Variants in ITK observed in about 807,000 individuals in gnomAD.
ITK encodes IL2 inducible T cell kinase, also known as tyrosine-protein kinase ITK/TSK.
Under a neutral mutation model 87.6 loss-of-function variants are expected in ITK, and 45 were observed. The ratio of observed to expected loss-of-function variants is 0.51; its 90% CI spans 0.40 to 0.66. The LOEUF is 0.66. ITK is among the 30% of genes least tolerant of loss of function. The pLI, the probability that ITK is intolerant of heterozygous loss-of-function variation, is 0.00. For synonymous variants in ITK, 303 were observed against 273.6 expected (o/e 1.11, Z -1.06); for missense variants, 605 against 766.3 (o/e 0.79, Z 2.48).
At chr5:157,196,321 T>A (rs951797348) in intron 1 of ITK, among the ~76,000 whole-genome samples, 4 of 152,188 alleles carry the variant, frequency 2.6e-5, no homozygotes, top group African/African-American at 9.6e-5. Flanking sequence ...TCTCAAAACC[T>A]CACAAACACC....
In ITK at chr5:157,254,435, A is replaced by G. The variant is rs1463546113; in HGVS notation, c.*1757A>G. The G allele has an allele frequency of 4.5e-6, 1 of 221,918 alleles. No individual in the cohort carries two copies. Among genetic ancestry groups the G allele is most frequent in the African/African-American group, 2.2e-5 (1 of 44,710 alleles). 13.7% of individuals were successfully genotyped at this position (221,918 alleles called of 1,614,324 possible). A position where few individuals can be genotyped will look rare whatever the true frequency, so the allele number is the denominator to read the frequency against. On this transcript the variant is annotated 3_prime_UTR_variant, in exon 17 of 17. Transcript: ENST00000422843. ...TGTAGAAGTATGAGTTCTTCCTTTA[A>G]TTATCATTCCAACTTTCAGCTGTAG...
At chr5:157,219,941 CTGTTTTGAG>C (rs1754380572) in intron 5 of ITK, among the ~76,000 whole-genome samples, 2 of 152,226 alleles carry the variant, frequency 1.3e-5, no homozygotes, top group African/African-American at 4.8e-5. Context: ...ATCGTGGATA[CTGTTTTGAG>C]TGTTCTGACC....
chr5:157,196,486 G>A (rs1753857378), intron 1 of ITK, among the ~76,000 whole-genome samples: 2 of 152,056 alleles, frequency 1.3e-5, no homozygotes, highest in East Asian at 3.8e-4. Flanking sequence ...AAGTTTATTA[G>A]TATTTTATTT....
Position 157,217,849 on chromosome 5 carries a change from C to T in ITK, c.455-18C>T. ...GTTTTCATGCTCATTTTTTCTTTTCCTGTTTTTCTCTTTTCAGCTTCAAAG... is the reference window on the plus strand; with the variant it reads ...GTTTTCATGCTCATTTTTTCTTTTCTTGTTTTTCTCTTTTCAGCTTCAAAG... On this transcript the variant is annotated intron_variant, in intron 4 of 16. Coordinates refer to ENST00000422843, the MANE Select transcript of ITK (RefSeq NM_005546.4). 1 of 1,612,890 alleles carries T rather than the reference C, an allele frequency of 6.2e-7. No individual in the cohort carries two copies. Among genetic ancestry groups the T allele is most frequent in the Non-Finnish European group, 8.5e-7 (1 of 1,179,050 alleles).
At position 157,226,375 on chromosome 5, in the gene ITK, G is replaced by A. The variant is rs140918838; in HGVS notation, c.648-1921G>A. Reference sequence around the variant, plus strand: ...TTTGGGTGGCATATGCTATTCAAAAGCAAAATATTATTTGATGCATTAATA... The same window carrying A: ...TTTGGGTGGCATATGCTATTCAAAAACAAAATATTATTTGATGCATTAATA... On this transcript the variant is annotated intron_variant, in intron 6 of 16. Coordinates refer to ENST00000422843, the MANE Select transcript of ITK (RefSeq NM_005546.4). Among the ~76,000 whole-genome samples, 97 of 152,274 alleles carry A rather than the reference G, an allele frequency of 6.4e-4. 2 individuals carry two copies. The East Asian group carries it at 0.015, about 24-fold the overall frequency.
chr5:157,212,992 T>C (rs1351219911), intron 3 of ITK, among the ~76,000 whole-genome samples: 2 of 152,196 alleles, frequency 1.3e-5, no homozygotes, highest in Non-Finnish European at 2.9e-5. Context: ...TGTGGTTGGT[T>C]CATTTATTTA....
chr5:157,181,902 T>C (rs12518271), intron 1 of ITK, among the ~76,000 whole-genome samples: 6,665 of 152,312 alleles, frequency 0.044, 191 homozygotes, highest in African/African-American at 0.074. Flanking sequence ...ATAATGTAGT[T>C]TGGTAGAAAA....
intron 4 of ITK, among the ~76,000 whole-genome samples, chr5:157,215,242 T>C (rs978571709): frequency 3.9e-5 from 6 of 152,224 alleles, no homozygotes; most frequent in African/African-American, 1.4e-4. Context: ...CCTTCCATTT[T>C]CCTCTCTTCT....
intron 1 of ITK, among the ~76,000 whole-genome samples, chr5:157,200,478 C>T (rs1420023286): frequency 6.6e-6 from 1 of 152,184 alleles, no homozygotes; most frequent in Non-Finnish European, 1.5e-5. Flanking sequence ...TATAGGCAAT[C>T]ACCCTTTCCC....
At chr5:157,197,472 A>G (rs1753875425) in intron 1 of ITK, among the ~76,000 whole-genome samples, 1 of 152,208 alleles carries the variant, frequency 6.6e-6, no homozygotes, top group South Asian at 2.1e-4. Context: ...CTCTGTAAAA[A>G]CTTCAAATAT....
chr5:157,234,072 C>G (rs1754727420), intron 8 of ITK, among the ~76,000 whole-genome samples: 1 of 141,418 alleles, frequency 7.1e-6, no homozygotes, highest in African/African-American at 2.7e-5. Context: ...CCTCCGCTGC[C>G]TGGGTTCGAG....
chr5:157,232,700 G>A (rs1318641497), intron 8 of ITK, among the ~76,000 whole-genome samples: 3 of 152,248 alleles, frequency 2.0e-5, no homozygotes, highest in South Asian at 2.1e-4. Flanking sequence ...GGGTTGACAT[G>A]TTGGATTAAC....
chr5:157,238,888 A>G (rs1263055789), intron 9 of ITK, among the ~76,000 whole-genome samples: 2 of 152,222 alleles, frequency 1.3e-5, no homozygotes, highest in Non-Finnish European at 2.9e-5. Flanking sequence ...CTGTTTGACA[A>G]TGACCAAAGT....
Position 157,232,327 on chromosome 5 carries a change from T to A in ITK, c.714-13T>A. 6.3e-7 allele frequency: 1 copy of A among 1,596,118 alleles called. No individual in the cohort carries two copies. Among genetic ancestry groups the A allele is most frequent in the East Asian group, 2.2e-5 (1 of 44,758 alleles). On this transcript the variant is annotated splice_polypyrimidine_tract_variant and intron_variant, in intron 7 of 16. Coordinates refer to ENST00000422843, the MANE Select transcript of ITK (RefSeq NM_005546.4). ...AAATATGTCATTGACATATGACTTT[T>A]CCTTGCTTTCAGGTGGTACAATAAG...
chr5:157,201,168 C>T (rs966940105), intron 1 of ITK, among the ~76,000 whole-genome samples: 2 of 151,998 alleles, frequency 1.3e-5, no homozygotes, highest in African/African-American at 4.8e-5. Context: ...ATAAAACCCC[C>T]AGTACACTAA....
chr5:157,207,937 T>C (rs967576949), intron 1 of ITK, among the ~76,000 whole-genome samples: 1 of 152,222 alleles, frequency 6.6e-6, no homozygotes. Flanking sequence ...TCATTCAGGA[T>C]TTCAGCATTC....
chr5:157,239,823 T>C (rs1038877542), intron 9 of ITK, among the ~76,000 whole-genome samples: 17 of 152,164 alleles, frequency 1.1e-4, no homozygotes, highest in Admixed American at 1.1e-3. Context: ...GGAAGAACCA[T>C]CACCAATCCA....
At chr5:157,232,427 A>G in intron 8 of ITK, 33 bp downstream of exon 8, 1 of 1,474,856 alleles carries the variant, frequency 6.8e-7, no homozygotes, top group Non-Finnish European at 9.4e-7. Flanking sequence ...TTGACATAAA[A>G]TAAAATGAAT....
intron 8 of ITK, among the ~76,000 whole-genome samples, chr5:157,237,836 G>C (rs2113770810): frequency 6.6e-6 from 1 of 152,334 alleles, no homozygotes; most frequent in Non-Finnish European, 1.5e-5. Flanking sequence ...TAAAGAGTCT[G>C]ATACATGGGG....
Sources: gnomAD v4.1 joint callset for allele counts (sites outside exome capture counted in the v4.1 genomes callset) on GRCh38, gnomAD v4.1.1 for gene constraint, MANE v1.5 for transcripts, NCBI Gene and HGNC (gene_info 2026-07-23, HGNC 2026-07-21) for gene names.